Variants in SCAPER observed in about 807,000 individuals in gnomAD.
SCAPER encodes S phase cyclin A-associated protein in the endoplasmic reticulum.
A neutral mutation model predicts 182.2 loss-of-function variants in SCAPER; 98 were observed. The observed-to-expected ratio is 0.54, with a 90% CI of 0.46 to 0.64. The LOEUF (loss-of-function observed/expected upper bound fraction) is 0.64, where lower values mean the gene tolerates loss of function less well. SCAPER is among the 30% of genes least tolerant of loss of function. SCAPER has a pLI of 0.00. For synonymous variants in SCAPER, 605 were observed against 564.6 expected (o/e 1.07, Z -1.01); for missense variants, 1,432 against 1,690.0 (o/e 0.85, Z 2.68).
rs1308642451 is a variant in SCAPER, at chr15:76,404,550, A to G, written c.3441T>C (p.Cys1147=). 6.2e-7 allele frequency: 1 copy of G among 1,613,318 alleles called. No homozygotes were observed. Among genetic ancestry groups the G allele is most frequent in the Non-Finnish European group, 8.5e-7 (1 of 1,179,626 alleles). The change falls in exon 27 of 32, where the codon TGT becomes TGC. Residue 1147 remains cysteine, a synonymous_variant. Transcript: ENST00000563290. ...TTCCAGTGACAGCAAAGCACAGTGT[A>G]CACATTGCATGTAAGAGTCCTGCGG... ...QHAAGLLHAM[C]TLCFAVTGRS...
intron 22 of SCAPER, among the ~76,000 whole-genome samples, chr15:76,603,608 T>C (rs1342065886): frequency 8.2e-6 from 1 of 122,368 alleles, no homozygotes; most frequent in Non-Finnish European, 2.0e-5. Flanking sequence ...ATCACCACAC[T>C]GACTTCCACA....
intron 23 of SCAPER, among the ~76,000 whole-genome samples, chr15:76,506,690 A>G (rs2041613364): frequency 6.6e-6 from 1 of 152,194 alleles, no homozygotes; most frequent in African/African-American, 2.4e-5. Flanking sequence ...TCTTTATCAC[A>G]TTGTAATCTT....
At position 76,890,965 on chromosome 15, in the gene SCAPER, C is replaced by T. The variant is rs2074130917; in HGVS notation, c.-59-7089G>A. Among the ~76,000 whole-genome samples the T allele has an allele frequency of 2.0e-5, 3 of 152,162 alleles. No individual in the cohort carries two copies. The South Asian group carries it at 6.2e-4, about 32-fold the overall frequency. On this transcript the variant is annotated intron_variant, in intron 1 of 31. Coordinates refer to ENST00000563290, the MANE Select transcript of SCAPER (RefSeq NM_020843.4). ...TCCAGCAGCACATCAAAAAGCTTAT[C>T]TACTCACAATCAAGTCGGCTTCATC...
At chr15:76,503,951 T>C (rs2041360555) in intron 24 of SCAPER, among the ~76,000 whole-genome samples, 1 of 151,930 alleles carries the variant, frequency 6.6e-6, no homozygotes, top group Non-Finnish European at 1.5e-5. Context: ...GGTGATGCAA[T>C]CATGGTTCAC....
chr15:76,478,754 T>C (rs1299777383), intron 24 of SCAPER, among the ~76,000 whole-genome samples: 1 of 152,150 alleles, frequency 6.6e-6, no homozygotes, highest in Non-Finnish European at 1.5e-5. Flanking sequence ...TCGTGTCTAT[T>C]TCACATTGTT....
intron 26 of SCAPER, among the ~76,000 whole-genome samples, chr15:76,422,790 A>T (rs971882293): frequency 4.6e-5 from 7 of 152,090 alleles, no homozygotes; most frequent in East Asian, 1.9e-4. Context: ...TTGAGATACG[A>T]CCCATCAATA....
At chr15:76,783,931 C>T (rs1021930908) in intron 8 of SCAPER, among the ~76,000 whole-genome samples, 1 of 152,166 alleles carries the variant, frequency 6.6e-6, no homozygotes, top group African/African-American at 2.4e-5. Flanking sequence ...CAATATCTCA[C>T]TGAATGGGCA....
chr15:76,693,362 T>C (rs1056293621), intron 20 of SCAPER, among the ~76,000 whole-genome samples: 1 of 152,282 alleles, frequency 6.6e-6, no homozygotes, highest in African/African-American at 2.4e-5. Flanking sequence ...TGTGGAGAAA[T>C]TGGAATCCTT....
chr15:76,831,912 C>T (rs1598978719), intron 5 of SCAPER, among the ~76,000 whole-genome samples: 1 of 152,190 alleles, frequency 6.6e-6, no homozygotes, highest in East Asian at 1.9e-4. Flanking sequence ...AGAAATGAAG[C>T]CAACTGACTA....
intron 22 of SCAPER, among the ~76,000 whole-genome samples, chr15:76,604,865 C>T (rs1421779934): frequency 2.0e-5 from 3 of 151,602 alleles, no homozygotes; most frequent in East Asian, 1.9e-4. Flanking sequence ...GTGATTTTTG[C>T]ACATTTATTT....
chr15:76,398,390 C>G (rs56246286), intron 27 of SCAPER, among the ~76,000 whole-genome samples: 2 of 152,028 alleles, frequency 1.3e-5, no homozygotes, highest in African/African-American at 4.8e-5. Context: ...TTTCCCCCTA[C>G]AAGCTTACAG....
At chr15:76,705,160 T>G (rs540930339) in intron 18 of SCAPER, among the ~76,000 whole-genome samples, 112 of 152,102 alleles carry the variant, frequency 7.4e-4, no homozygotes, top group African/African-American at 2.5e-3. Flanking sequence ...TGTCCAACAT[T>G]GATAGACTGG....
chr15:76,768,805 A>T (rs1262687630), intron 10 of SCAPER, among the ~76,000 whole-genome samples: 1 of 128,106 alleles, frequency 7.8e-6, no homozygotes, highest in Non-Finnish European at 1.6e-5. Flanking sequence ...CTATCAACAA[A>T]ATTGATCTAG....
At chr15:76,791,314 A>G (rs963129780) in intron 8 of SCAPER, among the ~76,000 whole-genome samples, 9 of 152,212 alleles carry the variant, frequency 5.9e-5, no homozygotes, top group Non-Finnish European at 1.0e-4. Flanking sequence ...TTCCTGCCAA[A>G]AACAACTATA....
At chr15:76,879,557 G>GACA (rs748499074) in intron 2 of SCAPER, among the ~76,000 whole-genome samples, 2 of 152,134 alleles carry the variant, frequency 1.3e-5, no homozygotes, top group Non-Finnish European at 2.9e-5. Flanking sequence ...GGATCATAAA[G>GACA]ACAGCAAGCC....
intron 24 of SCAPER, among the ~76,000 whole-genome samples, chr15:76,479,737 T>C (rs2050949179): frequency 6.6e-6 from 1 of 152,142 alleles, no homozygotes; most frequent in Non-Finnish European, 1.5e-5. Flanking sequence ...AAGTACATAG[T>C]TTATATTCTT....
chr15:76,858,154 A>AAT (rs1476108289), intron 3 of SCAPER, among the ~76,000 whole-genome samples: 1 of 152,214 alleles, frequency 6.6e-6, no homozygotes, highest in Non-Finnish European at 1.5e-5. Context: ...CAACATCTTA[A>AAT]AGAAGTCAGA....
intron 2 of SCAPER, among the ~76,000 whole-genome samples, chr15:76,864,826 T>A (rs968558627): frequency 1.3e-5 from 2 of 152,168 alleles, no homozygotes; most frequent in Admixed American, 6.5e-5. Context: ...AGAAGCCAAC[T>A]GTGAGATAAA....
intron 17 of SCAPER, among the ~76,000 whole-genome samples, chr15:76,706,613 T>C (rs1443662097): frequency 1.3e-5 from 2 of 152,052 alleles, no homozygotes; most frequent in Non-Finnish European, 2.9e-5. Context: ...GATTACTCCC[T>C]AGAGGGTCTG....
Sources: allele counts gnomAD v4.1 joint callset (sites outside exome capture counted in the v4.1 genomes callset), GRCh38; gene constraint gnomAD v4.1.1; transcripts MANE v1.5; gene names NCBI Gene and HGNC (gene_info 2026-07-23, HGNC 2026-07-21).